The following EML5 variants were observed in gnomAD, a reference collection of about 807,000 sequenced individuals.
EML5 encodes the protein echinoderm microtubule-associated protein-like 5.
EML5 carries 120 observed loss-of-function variants against 250.0 expected under a neutral mutation model. That is an observed-to-expected ratio of 0.48 (90% confidence interval 0.41 to 0.56). EML5 has a LOEUF of 0.56. Among genes scored for constraint, EML5 ranks in the 20% least tolerant of loss-of-function variants. EML5 has a pLI of 0.00. For missense variants in EML5, 2,006 were observed against 2,437.6 expected (o/e 0.82, Z 3.73); for synonymous variants, 771 against 806.5 (o/e 0.96, Z 0.75).
Position 88,622,606 on chromosome 14 carries a change from T to TGC in EML5, c.5009_5010dup (p.Lys1671AlafsTer14). The TGC allele has an allele frequency of 6.3e-7, 1 of 1,597,342 alleles. No homozygotes were observed. Among genetic ancestry groups the TGC allele is most frequent in the Non-Finnish European group, 8.5e-7 (1 of 1,171,614 alleles). ...TATCAGCTCATGGAACATCTTACTT[T>TGC]GCCTCTGCACACAGAACGAACACAA... On this transcript the variant is annotated frameshift_variant, in exon 37 of 44. Coordinates refer to ENST00000554922, the MANE Select transcript of EML5 (RefSeq NM_183387.3). LOFTEE classifies it high-confidence loss of function.
chr14:88,717,781 A>AACAACAACAAC (rs1407028906), intron 8 of EML5, among the ~76,000 whole-genome samples: 1 of 152,060 alleles, frequency 6.6e-6, no homozygotes, highest in East Asian at 1.9e-4. Context: ...CAACAACAAC[A>AACAACAACAAC]ACAACAAAAC....
At chr14:88,664,672 T>C (rs1183798464) in intron 22 of EML5, 48 bp from the exon 23 acceptor site, 1 of 1,566,866 alleles carries the variant, frequency 6.4e-7, no homozygotes, top group Admixed American at 1.9e-5. Context: ...TTGGAAATAC[T>C]TTTTTACACT....
chr14:88,771,903 T>A (rs1352093815), intron 1 of EML5, among the ~76,000 whole-genome samples: 1 of 152,194 alleles, frequency 6.6e-6, no homozygotes, highest in Non-Finnish European at 1.5e-5. Context: ...ATGAGGGCTT[T>A]GTCTTGGCTG....
At chr14:88,765,913 C>T (rs61983304) in intron 1 of EML5, among the ~76,000 whole-genome samples, 1 of 152,166 alleles carries the variant, frequency 6.6e-6, no homozygotes, top group Non-Finnish European at 1.5e-5. Flanking sequence ...CCGGCTGAAG[C>T]CATGGCAGAA....
At chr14:88,655,118 T>C (rs569274772) in intron 27 of EML5, among the ~76,000 whole-genome samples, 3 of 152,076 alleles carry the variant, frequency 2.0e-5, no homozygotes, top group South Asian at 4.1e-4. Flanking sequence ...CCTCACAGAA[T>C]TGAACTACTG....
chr14:88,663,262 CATTTT>C lies in EML5; in HGVS notation c.3410-148_3410-144del, dbSNP rs143641960. 1,441 of 473,880 alleles carry C rather than the reference CATTTT, an allele frequency of 3.0e-3. 13 individuals carry two copies. The highest frequency in any genetic ancestry group is 0.022 in the African/African-American group (1,109 of 49,568). 29.4% of individuals were successfully genotyped at this position (473,880 alleles called of 1,614,324 possible). On this transcript the variant is annotated intron_variant, in intron 23 of 43. Coordinates refer to ENST00000554922, the MANE Select transcript of EML5 (RefSeq NM_183387.3). ...TGCTGCAGTCAACTTATAGTAAGAA[CATTTT>C]ATTTTTATAATTCCATATTACTAAG...
At chr14:88,617,003 A>C in intron 41 of EML5, 124 bp from the exon 42 acceptor site, 1 of 848,582 alleles carries the variant, frequency 1.2e-6, no homozygotes, top group Non-Finnish European at 1.8e-6. Flanking sequence ...CAGGAAGTAA[A>C]TTATGGTAAG....
rs1200500402 is a variant in EML5 at position 88,751,545 on chromosome 14, G to A, written c.357+2967C>T. 3.3e-5 allele frequency among the ~76,000 whole-genome samples: 5 copies of A among 151,954 alleles called. No homozygotes were observed. The East Asian group carries it at 5.8e-4, about 18-fold the overall frequency. On this transcript the variant is annotated intron_variant, in intron 2 of 43. Coordinates refer to ENST00000554922, the MANE Select transcript of EML5 (RefSeq NM_183387.3). ...TGTTGGTTTTTTTTTGATAGTGTTC[G>A]AATAAAGAGAGAATTCAGTTTTAAA...
At chr14:88,637,747 C>T (rs1320517865) in intron 32 of EML5, among the ~76,000 whole-genome samples, 1 of 152,156 alleles carries the variant, frequency 6.6e-6, no homozygotes, top group African/African-American at 2.4e-5. Flanking sequence ...ATAGTTTCTT[C>T]ATTCCTCAAG....
In EML5 at chr14:88,649,907, C is replaced by A. The variant is rs938412954; in HGVS notation, c.4019+5G>T. 6.7e-7 allele frequency: 1 copy of A among 1,491,354 alleles called. No homozygotes were observed. The highest frequency in any genetic ancestry group is 1.4e-5 in the African/African-American group (1 of 70,296). The allele number at this position is 1,491,354 out of a possible 1,614,324, so 92.4% of individuals were successfully genotyped here. Reference sequence around the variant, plus strand: ...ATAAAATATTTTCTTTTATAAAACACTTACCTTACTACTCCCTGCCTTCAA... The same window carrying A: ...ATAAAATATTTTCTTTTATAAAACAATTACCTTACTACTCCCTGCCTTCAA... On this transcript the variant is annotated splice_donor_5th_base_variant and intron_variant, in intron 28 of 43. Transcript: ENST00000554922.
At chr14:88,720,211 A>C (rs2093568879) in intron 8 of EML5, among the ~76,000 whole-genome samples, 1 of 152,216 alleles carries the variant, frequency 6.6e-6, no homozygotes, top group South Asian at 2.1e-4. Context: ...CCAGAAATAC[A>C]AAGAGGAGCA....
In EML5 at chr14:88,714,985, C is replaced by A; in HGVS notation, c.1398G>T (p.Leu466Phe). The A allele has an allele frequency of 6.2e-7, 1 of 1,612,894 alleles. No homozygotes were observed. Among genetic ancestry groups the A allele is most frequent in the Non-Finnish European group, 8.5e-7 (1 of 1,179,638 alleles). ...TTTTCCCATTTCCATCATTTGTCTGCAAATATCTACTGTCTGAAGACCAGT... is the reference window on the plus strand; with the variant it reads ...TTTTCCCATTTCCATCATTTGTCTGAAAATATCTACTGTCTGAAGACCAGT... ...HLDWSSDSRY[L>F]QTNDGNGKRL... Residue 466 changes from leucine (L) to phenylalanine (F), a missense_variant, in exon 9 of 44, where the codon TTG becomes TTT. Leu to Phe is a conservative substitution (Grantham distance 22). Around this residue, in one of 7 missense-constraint regions of EML5, gnomAD observed 1,375 missense variants for 1,590.3 expected, o/e 0.86. Transcript: ENST00000554922.
intron 20 of EML5, among the ~76,000 whole-genome samples, chr14:88,682,262 T>A (rs1240397634): frequency 2.6e-5 from 4 of 152,160 alleles, no homozygotes; most frequent in South Asian, 2.1e-4. Flanking sequence ...AAAGTTAGCT[T>A]ATAATCCTAA....
At chr14:88,685,333 CTATGTCT>C (rs1286779416) in intron 19 of EML5, among the ~76,000 whole-genome samples, 191 bp from the exon 20 acceptor site, 3 of 152,162 alleles carry the variant, frequency 2.0e-5, no homozygotes, top group Non-Finnish European at 4.4e-5. Flanking sequence ...TAAGTACCAC[CTATGTCT>C]TATAAGTCTA....
intron 17 of EML5, among the ~76,000 whole-genome samples, chr14:88,693,390 A>G (rs184601782): frequency 3.3e-5 from 5 of 152,320 alleles, no homozygotes; most frequent in Admixed American, 2.6e-4. Context: ...GGTGACAGGC[A>G]AAATTGCTTA....
In EML5 at chr14:88,792,431, G is replaced by A. The variant is rs2094620281; in HGVS notation, c.73C>T (p.Arg25Cys). The A allele has an allele frequency of 1.3e-6, 2 of 1,546,580 alleles. No homozygotes were observed. The highest frequency in any genetic ancestry group is 1.7e-6 in the Non-Finnish European group (2 of 1,146,554). Reference sequence around the variant, plus strand: ...GCCGCAGTGTAGTAGAGGTTGTTGCGGCACTGGTGGCCCCGGTAGCCGTAC... The same window carrying A: ...GCCGCAGTGTAGTAGAGGTTGTTGCAGCACTGGTGGCCCCGGTAGCCGTAC... ...WVYGYRGHQC[R>C]NNLYYTAAKE... The change falls in exon 1 of 44, where the codon CGC becomes TGC. Residue 25 changes from arginine to cysteine, a missense_variant. Transcript: ENST00000554922. This position sits in a 1 kb window ranked among gnomAD's most constrained non-coding sequence, Gnocchi z 6.9.
rs541828382 is a variant in EML5, at chr14:88,726,228, T to C, written c.1187+313A>G. 3.3e-5 allele frequency among the ~76,000 whole-genome samples: 5 copies of C among 152,170 alleles called. No homozygotes were observed. The East Asian group carries it at 9.7e-4, about 29-fold the overall frequency. ...AACGGAGAGGGATCATTACTGAAAA[T>C]CTATACTAACAGGAAAAGGTAGTTG... On this transcript the variant is annotated intron_variant, in intron 8 of 43. Transcript: ENST00000554922.
chr14:88,781,170 A>G lies in EML5; in HGVS notation c.197+11137T>C, dbSNP rs2094494234. Among the ~76,000 whole-genome samples, 3 of 152,338 alleles carry G rather than the reference A, an allele frequency of 2.0e-5. No individual in the cohort carries two copies. In the South Asian group the frequency reaches 6.2e-4, roughly 32 times the overall value. On this transcript the variant is annotated intron_variant, in intron 1 of 43. Transcript: ENST00000554922. Reference sequence around the variant, plus strand: ...GCGGGCAAAGATGACTGATACAAATACAATGCTCATGCTGTTTTCTGTGCA... The same window carrying G: ...GCGGGCAAAGATGACTGATACAAATGCAATGCTCATGCTGTTTTCTGTGCA...
chr14:88,729,084 A>G lies in EML5; in HGVS notation c.1050-2406T>C, dbSNP rs190630974. Among the ~76,000 whole-genome samples, 1,295 of 142,924 alleles carry G rather than the reference A, an allele frequency of 9.1e-3. 13 individuals carry two copies. The highest frequency in any genetic ancestry group is 0.031 in the African/African-American group (1,232 of 39,564). The allele number at this position is 142,924 out of a possible 152,430, so 93.8% of individuals were successfully genotyped here. Reference sequence around the variant, plus strand: ...TTTGGATTTTTCTATATATATAAACACATCATATATATATATAACCAACTG... The same window carrying G: ...TTTGGATTTTTCTATATATATAAACGCATCATATATATATATAACCAACTG... On this transcript the variant is annotated intron_variant, in intron 7 of 43. Coordinates refer to ENST00000554922, the MANE Select transcript of EML5 (RefSeq NM_183387.3).
Sources: gnomAD v4.1 joint callset for allele counts (sites outside exome capture counted in the v4.1 genomes callset) on GRCh38, gnomAD v4.1.1 for gene constraint, gnomAD v4.1.1 regional missense constraint, Gnocchi (gnomAD v3.1) non-coding constraint, MANE v1.5 for transcripts, NCBI Gene and HGNC (gene_info 2026-07-23, HGNC 2026-07-21) for gene names.